Variants in PWP1 observed in about 807,000 individuals in gnomAD.
PWP1 encodes the protein periodic tryptophan protein 1 homolog.
Under a neutral mutation model 69.9 loss-of-function variants are expected in PWP1, and 47 were observed. The observed-to-expected ratio is 0.67, with a 90% CI of 0.53 to 0.86. The LOEUF is 0.86. Among genes scored for constraint, PWP1 ranks in the 40% least tolerant of loss-of-function variants. The pLI, the probability that PWP1 is intolerant of heterozygous loss-of-function variation, is 0.00. For synonymous variants in PWP1, 222 were observed against 208.2 expected (o/e 1.07, Z -0.57); for missense variants, 551 against 608.8 (o/e 0.91, Z 1.00).
At position 107,690,988 on chromosome 12, in the gene PWP1, AACAG is replaced by A. The variant is rs1889469756; in HGVS notation, c.320-1821_320-1818del. On this transcript the variant is annotated intron_variant, in intron 3 of 14. Coordinates refer to ENST00000412830, the MANE Select transcript of PWP1 (RefSeq NM_007062.3). ...GTTGGGCACAGGAAGATCAGTAAACAACAGACAGGCAATGAGAAATGAGTAAGTA... is the reference window on the plus strand; with the variant it reads ...GTTGGGCACAGGAAGATCAGTAAACAACAGGCAATGAGAAATGAGTAAGTA... Among the ~76,000 whole-genome samples, 22 of 152,354 alleles carry A rather than the reference AACAG, an allele frequency of 1.4e-4. No individual in the cohort carries two copies. The South Asian group carries it at 4.3e-3, about 30-fold the overall frequency.
At chr12:107,697,632 C>T in intron 7 of PWP1, 35 bp downstream of exon 7, 1 of 1,578,560 alleles carries the variant, frequency 6.3e-7, no homozygotes, top group Non-Finnish European at 8.6e-7. Flanking sequence ...ACTCTAATGA[C>T]AGAGGTAAGT....
In PWP1 at chr12:107,692,795, T is replaced by C; in HGVS notation, c.320-19T>C. 6.3e-7 allele frequency: 1 copy of C among 1,580,566 alleles called. No individual in the cohort carries two copies. Among genetic ancestry groups the C allele is most frequent in the Non-Finnish European group, 8.7e-7 (1 of 1,154,416 alleles). ...AAGATGACTATTTTATTATTGTAGT[T>C]TGTCAATTTTTCTTACAGATGCTGA... On this transcript the variant is annotated intron_variant, in intron 3 of 14. Coordinates refer to ENST00000412830, the MANE Select transcript of PWP1 (RefSeq NM_007062.3).
rs1028634935 is a variant in PWP1 at position 107,703,030 on chromosome 12, A to G, written c.902A>G (p.Lys301Arg). Residue 301 changes from lysine (K) to arginine (R), a missense_variant and splice_region_variant, in exon 9 of 15, where the codon AAG becomes AGG. Lys to Arg is a conservative substitution (Grantham distance 26, BLOSUM62 2). Transcript: ENST00000412830. ...PAASLAVHTD[K>R]VQTLQFHPFE... Reference sequence around the variant, plus strand: ...GCTAGCCTCGCTGTACACACAGACAAGGTATGGTGATTTAGTTGATCACAG... The same window carrying G: ...GCTAGCCTCGCTGTACACACAGACAGGGTATGGTGATTTAGTTGATCACAG... 3.2e-6 allele frequency: 5 copies of G among 1,587,260 alleles called. No homozygotes were observed. The highest frequency in any genetic ancestry group is 4.3e-6 in the Non-Finnish European group (5 of 1,155,920).
chr12:107,694,349 G>C (rs567141677), intron 5 of PWP1, among the ~76,000 whole-genome samples: 1 of 152,198 alleles, frequency 6.6e-6, no homozygotes, highest in South Asian at 2.1e-4. Flanking sequence ...AAGTCCTTTT[G>C]TTATAGGAAA....
chr12:107,705,988 T>C (rs567328307), intron 11 of PWP1, among the ~76,000 whole-genome samples: 4 of 152,254 alleles, frequency 2.6e-5, no homozygotes, highest in Non-Finnish European at 5.9e-5. Flanking sequence ...TCTTCCACAA[T>C]GGTTGAACTA....
rs538144816 is a variant in PWP1 at position 107,703,533 on chromosome 12, G to A, written c.904-152G>A. 9 of 663,226 alleles carry A rather than the reference G, an allele frequency of 1.4e-5. No individual in the cohort carries two copies. The South Asian group carries it at 1.6e-4, about 12-fold the overall frequency. 41.1% of individuals were successfully genotyped at this position (663,226 alleles called of 1,614,324 possible). A position where few individuals can be genotyped will look rare whatever the true frequency, so the allele number is the denominator to read the frequency against. ...TATGTGGGAGCATGGTTTGCCCTTT[G>A]ATTATGCAGTACATTTATGTTTCTT... On this transcript the variant is annotated intron_variant, in intron 9 of 14. Transcript: ENST00000412830.
rs1407508715 is a variant in PWP1 at position 107,688,557 on chromosome 12, G to C, written c.131+51G>C. On this transcript the variant is annotated intron_variant, in intron 2 of 14. Coordinates refer to ENST00000412830, the MANE Select transcript of PWP1 (RefSeq NM_007062.3). ...ATATCTTAAATGATGATGACCATGT[G>C]GTCTTGTTATTAGAAGGTAGCATTT... 3 of 1,610,030 alleles carry C rather than the reference G, an allele frequency of 1.9e-6. No individual in the cohort carries two copies. In the Admixed American group the frequency reaches 5.0e-5, roughly 27 times the overall value.
intron 13 of PWP1, among the ~76,000 whole-genome samples, chr12:107,709,964 T>A (rs1394415547): frequency 6.6e-6 from 1 of 152,208 alleles, no homozygotes; most frequent in African/African-American, 2.4e-5. Flanking sequence ...TATATTTTTC[T>A]TGTTCATATT....
intron 7 of PWP1, 130 bp from the exon 8 acceptor site, chr12:107,699,243 A>G: frequency 1.4e-6 from 1 of 706,260 alleles, no homozygotes; most frequent in Non-Finnish European, 2.4e-6. Flanking sequence ...AGGGCAACAG[A>G]CAAAGACTCC....
chr12:107,686,221 G>C (rs894869308), intron 1 of PWP1: 3 of 573,762 alleles, frequency 5.2e-6, no homozygotes, highest in African/African-American at 3.7e-5. Context: ...TCCCAAATTC[G>C]CACGCACATG....
intron 5 of PWP1, among the ~76,000 whole-genome samples, 172 bp from the exon 6 acceptor site, chr12:107,696,302 G>A (rs1478266570): frequency 6.6e-6 from 1 of 151,784 alleles, no homozygotes; most frequent in African/African-American, 2.4e-5. Context: ...CAAAGTATTG[G>A]GATTACAGGC....
In PWP1 at chr12:107,703,156, A is replaced by G. The variant is rs147021387; in HGVS notation, c.903+125A>G. ...TATCTGGCTTGCGGCATGCTTTCAC[A>G]TGTTATCTCTTAGGATTTTCACAAA... On this transcript the variant is annotated intron_variant, in intron 9 of 14. Transcript: ENST00000412830. 2.1e-4 allele frequency: 146 copies of G among 698,416 alleles called. 2 individuals are homozygous for G. In the African/African-American group the frequency reaches 2.2e-3, roughly 10 times the overall value. 43.3% of individuals were successfully genotyped at this position (698,416 alleles called of 1,614,324 possible).
chr12:107,694,144 T>C (rs1889537110), intron 5 of PWP1, among the ~76,000 whole-genome samples: 2 of 152,226 alleles, frequency 1.3e-5, no homozygotes, highest in African/African-American at 4.8e-5. Context: ...ATGTAAAATC[T>C]GTTTTTTATA....
intron 13 of PWP1, 140 bp downstream of exon 13, chr12:107,709,372 T>A: frequency 8.7e-7 from 1 of 1,143,626 alleles, no homozygotes; most frequent in Non-Finnish European, 1.2e-6. Context: ...ATTTTGAGTT[T>A]AGTCAAATTT....
intron 13 of PWP1, among the ~76,000 whole-genome samples, chr12:107,709,841 T>C (rs1034055113): frequency 1.3e-5 from 2 of 151,192 alleles, no homozygotes; most frequent in South Asian, 4.1e-4. Flanking sequence ...GCAATTTTTG[T>C]AGTACCATCT....
chr12:107,711,215 A>ATCGAGATCGCTCATGCTAT (rs1436958316), intron 14 of PWP1, among the ~76,000 whole-genome samples: 1 of 152,222 alleles, frequency 6.6e-6, no homozygotes, highest in Non-Finnish European at 1.5e-5. Flanking sequence ...TAAGACACAG[A>ATCGAGATCGCTCATGCTAT]TCGAGATCGC....
In PWP1 at chr12:107,708,089, T is replaced by C. The variant is rs141986082; in HGVS notation, c.1078-837T>C. Among the ~76,000 whole-genome samples the C allele has an allele frequency of 8.2e-4, 125 of 152,322 alleles. 2 individuals carry two copies. The East Asian group carries it at 0.022, about 27-fold the overall frequency. ...CCTGAAGCCTGACTTATTTTTACAA[T>C]GATCATTCCAGTTGTACTTGAATGT... On this transcript the variant is annotated intron_variant, in intron 11 of 14. Transcript: ENST00000412830.
chr12:107,704,771 T>G (rs1412943704), intron 11 of PWP1, 24 bp downstream of exon 11: 3 of 1,589,874 alleles, frequency 1.9e-6, no homozygotes, highest in Admixed American at 3.3e-5. Flanking sequence ...TGTTGTTGTT[T>G]TGCTTTTCTA....
At position 107,697,606 on chromosome 12, in the gene PWP1, G is replaced by A; in HGVS notation, c.744+9G>A. Reference sequence around the variant, plus strand: ...AAAAGAAAGGAAAGAAGGTAAAGAAGTTAATAAATATTTAAACTCTAATGA... The same window carrying A: ...AAAAGAAAGGAAAGAAGGTAAAGAAATTAATAAATATTTAAACTCTAATGA... On this transcript the variant is annotated intron_variant, in intron 7 of 14. Coordinates refer to ENST00000412830, the MANE Select transcript of PWP1 (RefSeq NM_007062.3). 2 of 1,597,420 alleles carry A rather than the reference G, an allele frequency of 1.3e-6. No individual in the cohort carries two copies. The highest frequency in any genetic ancestry group is 1.1e-5 in the South Asian group (1 of 88,856).
Sources: allele counts gnomAD v4.1 joint callset (sites outside exome capture counted in the v4.1 genomes callset), GRCh38; gene constraint gnomAD v4.1.1; transcripts MANE v1.5; gene names NCBI Gene and HGNC (gene_info 2026-07-23, HGNC 2026-07-21).